RHOJ: variants seen among roughly 807,000 people sequenced by gnomAD.
The protein encoded by RHOJ is rho-related GTP-binding protein RhoJ.
A neutral mutation model predicts 23.4 loss-of-function variants in RHOJ; 11 were observed. That is an observed-to-expected ratio of 0.47 (90% CI 0.30 to 0.78). The LOEUF (loss-of-function observed/expected upper bound fraction) is 0.78, where lower values mean the gene tolerates loss of function less well. Among genes scored for constraint, RHOJ ranks in the 30% least tolerant of loss-of-function variants. RHOJ has a pLI of 0.08. For missense variants in RHOJ, 254 were observed against 273.4 expected (o/e 0.93, Z 0.50); for synonymous variants, 102 against 102.7 (o/e 0.99, Z 0.04).
intron 2 of RHOJ, 119 bp from the exon 3 acceptor site, chr14:63,280,852 T>C (rs1266475835): frequency 3.9e-5 from 34 of 870,764 alleles, no homozygotes; most frequent in Middle Eastern, 2.9e-4. Flanking sequence ...GATTCCAGGG[T>C]TGAGGAAGAA....
intron 1 of RHOJ, among the ~76,000 whole-genome samples, chr14:63,228,827 T>C (rs1378138811): frequency 6.6e-6 from 1 of 152,256 alleles, no homozygotes; most frequent in Non-Finnish European, 1.5e-5. Flanking sequence ...ATGAATGTTA[T>C]TATGCATTCA....
chr14:63,290,981 A>T lies in RHOJ; in HGVS notation c.602A>T (p.Lys201Met). 6.2e-7 allele frequency: 1 copy of T among 1,614,214 alleles called. No individual in the cohort carries two copies. Among genetic ancestry groups the T allele is most frequent in the Non-Finnish European group, 8.5e-7 (1 of 1,180,032 alleles). Residue 201 changes from lysine to methionine, a missense_variant, in exon 5 of 5, where the codon AAG becomes ATG. Coordinates refer to ENST00000316754, the MANE Select transcript of RHOJ (RefSeq NM_020663.5). ...ILTIFHPKKKKKRCSEGHSCC... is the reference protein window; with the variant it reads ...ILTIFHPKKKMKRCSEGHSCC... The stretch of plus-strand genomic sequence containing the variant: ...ACCATTTTCCACCCCAAGAAAAAGA[A>T]GAAACGCTGTTCTGAGGGTCACAGC...
chr14:63,230,282 C>T (rs1264381210), intron 1 of RHOJ, among the ~76,000 whole-genome samples: 1 of 152,086 alleles, frequency 6.6e-6, no homozygotes, highest in Non-Finnish European at 1.5e-5. Flanking sequence ...TAGTGGAGTC[C>T]TACTGAAAAC....
Position 63,292,124 on chromosome 14 carries a change from C to G in RHOJ, c.*1100C>G, listed in dbSNP as rs1882270749. On this transcript the variant is annotated 3_prime_UTR_variant, in exon 5 of 5. Coordinates refer to ENST00000316754, the MANE Select transcript of RHOJ (RefSeq NM_020663.5). ...GCCTTAATTTTTCTATTTGCTTCAA[C>G]TGAAAGTGCTTCTCAGCTCGCCCCA... 1 of 152,206 alleles carries G rather than the reference C, an allele frequency of 6.6e-6. No individual in the cohort carries two copies. The highest frequency in any genetic ancestry group is 1.5e-5 in the Non-Finnish European group (1 of 68,030). The allele number at this position is 152,206 out of a possible 1,614,324, so 9.4% of individuals were successfully genotyped here.
intron 4 of RHOJ, among the ~76,000 whole-genome samples, chr14:63,290,364 CTCTCTT>C (rs1882208495): frequency 6.6e-6 from 1 of 152,154 alleles, no homozygotes; most frequent in Admixed American, 6.5e-5. Context: ...ATATCATTCA[CTCTCTT>C]TCTATCTGCT....
rs766262352 is a variant in RHOJ at position 63,290,948 on chromosome 14, C to G, written c.569C>G (p.Ala190Gly). Residue 190 changes from alanine to glycine, a missense_variant, in exon 5 of 5, where the codon GCA becomes GGA. Physicochemically the swap from Ala to Gly is moderately conservative, Grantham distance 60. Transcript: ENST00000316754. ...QKGLKAVFDE[A>G]ILTIFHPKKK... ...GGTCTCAAAGCGGTTTTTGATGAAG[C>G]AATCCTCACCATTTTCCACCCCAAG... 2 of 1,614,050 alleles carry G rather than the reference C, an allele frequency of 1.2e-6. No homozygotes were observed. Among genetic ancestry groups the G allele is most frequent in the South Asian group, 1.1e-5 (1 of 91,072 alleles).
chr14:63,234,468 T>A (rs1894751782), intron 1 of RHOJ, among the ~76,000 whole-genome samples: 1 of 152,218 alleles, frequency 6.6e-6, no homozygotes. Flanking sequence ...CTAAAGAGAT[T>A]ATTTGAATAT....
At chr14:63,217,216 T>G (rs958414130) in intron 1 of RHOJ, among the ~76,000 whole-genome samples, 5 of 149,926 alleles carry the variant, frequency 3.3e-5, no homozygotes, top group African/African-American at 1.2e-4. Context: ...TAGGTATATC[T>G]CCCAATGCTA....
chr14:63,231,826 T>C (rs558545803), intron 1 of RHOJ, among the ~76,000 whole-genome samples: 122 of 152,354 alleles, frequency 8.0e-4, no homozygotes, highest in African/African-American at 2.7e-3. Flanking sequence ...ACTTTTTTTG[T>C]CCTTTTGTAA....
chr14:63,269,065 G>A, intron 1 of RHOJ, 45 bp from the exon 2 acceptor site: 3 of 1,390,694 alleles, frequency 2.2e-6, no homozygotes, highest in Non-Finnish European at 2.0e-6. Context: ...ATTGAAGCTT[G>A]TGTTTATGGA....
At chr14:63,278,317 A>G (rs1299375799) in intron 2 of RHOJ, among the ~76,000 whole-genome samples, 1 of 152,186 alleles carries the variant, frequency 6.6e-6, no homozygotes. Flanking sequence ...CAATAGATCA[A>G]TGCATGCCCA....
Position 63,209,121 on chromosome 14 carries a change from C to A in RHOJ, c.178+4074C>A, listed in dbSNP as rs1194214202. Reference sequence around the variant, plus strand: ...CATCCCAAACCTGATCACTTATCACCGTCTTCATTGCCTTCATTCTTGTCC... The same window carrying A: ...CATCCCAAACCTGATCACTTATCACAGTCTTCATTGCCTTCATTCTTGTCC... On this transcript the variant is annotated intron_variant, in intron 1 of 4. Transcript: ENST00000316754. Among the ~76,000 whole-genome samples the A allele has an allele frequency of 2.0e-5, 3 of 152,112 alleles. No homozygotes were observed. The East Asian group carries it at 5.8e-4, about 29-fold the overall frequency.
Position 63,204,806 on chromosome 14 carries a change from T to A in RHOJ, c.-64T>A. The A allele has an allele frequency of 6.6e-7, 1 of 1,519,470 alleles. No individual in the cohort carries two copies. The highest frequency in any genetic ancestry group is 9.0e-7 in the Non-Finnish European group (1 of 1,115,554). 94.1% of individuals were successfully genotyped at this position (1,519,470 alleles called of 1,614,324 possible). A position where few individuals can be genotyped will look rare whatever the true frequency, so the allele number is the denominator to read the frequency against. ...CTGGCACTGGCTTTCTGCCGCTTCATGTGCTTTGGAAAAAGCAGGAGAAGC... is the reference window on the plus strand; with the variant it reads ...CTGGCACTGGCTTTCTGCCGCTTCAAGTGCTTTGGAAAAAGCAGGAGAAGC... On this transcript the variant is annotated 5_prime_UTR_variant, in exon 1 of 5. It removes an upstream start codon present in the reference 5' UTR. Coordinates refer to ENST00000316754, the MANE Select transcript of RHOJ (RefSeq NM_020663.5).
At chr14:63,254,231 T>G (rs1379970112) in intron 1 of RHOJ, among the ~76,000 whole-genome samples, 2 of 152,170 alleles carry the variant, frequency 1.3e-5, no homozygotes, top group Non-Finnish European at 2.9e-5. Context: ...CCTTCCTTAT[T>G]TTCTAGAATT....
At chr14:63,287,315 T>G (rs1882113302) in intron 4 of RHOJ, among the ~76,000 whole-genome samples, 1 of 152,208 alleles carries the variant, frequency 6.6e-6, no homozygotes, top group Non-Finnish European at 1.5e-5. Context: ...TTACTTAGCC[T>G]CTCTGGGTAT....
Position 63,269,186 on chromosome 14 carries a change from T to A in RHOJ, c.237+18T>A. The A allele has an allele frequency of 6.3e-7, 1 of 1,597,956 alleles. No individual in the cohort carries two copies. Among genetic ancestry groups the A allele is most frequent in the Non-Finnish European group, 8.6e-7 (1 of 1,165,362 alleles). ...CGGGACAGGTACATTTTTATTATCT[T>A]GATTCATTGGAGGGCGGTGGTGTAG... On this transcript the variant is annotated intron_variant, in intron 2 of 4. Coordinates refer to ENST00000316754, the MANE Select transcript of RHOJ (RefSeq NM_020663.5).
intron 1 of RHOJ, among the ~76,000 whole-genome samples, chr14:63,210,509 G>A (rs1457502952): frequency 6.6e-6 from 1 of 152,196 alleles, no homozygotes; most frequent in Non-Finnish European, 1.5e-5. Context: ...AGTCACTCTT[G>A]TTTATTACAA....
At chr14:63,279,008 A>G (rs1445218984) in intron 2 of RHOJ, among the ~76,000 whole-genome samples, 1 of 152,214 alleles carries the variant, frequency 6.6e-6, no homozygotes, top group African/African-American at 2.4e-5. Flanking sequence ...AAAGTAAAAT[A>G]AAATGTTTGG....
intron 2 of RHOJ, among the ~76,000 whole-genome samples, chr14:63,273,643 C>A (rs1381065795): frequency 6.6e-6 from 1 of 152,214 alleles, no homozygotes; most frequent in Non-Finnish European, 1.5e-5. Flanking sequence ...ACAGTGGAAC[C>A]AGCCATAGTA....
Sources: gnomAD v4.1 joint callset for allele counts (sites outside exome capture counted in the v4.1 genomes callset) on GRCh38, gnomAD v4.1.1 for gene constraint, MANE v1.5 for transcripts, NCBI Gene and HGNC (gene_info 2026-07-23, HGNC 2026-07-21) for gene names.